The following MPP7 variants were observed in gnomAD, a reference collection of about 807,000 sequenced individuals.
The protein encoded by MPP7 is MAGUK p55 scaffold protein 7, also known as MAGUK p55 subfamily member 7.
In MPP7, 60 loss-of-function variants were observed where a neutral mutation model predicts 76.5. The observed-to-expected ratio is 0.78, with a 90% CI of 0.64 to 0.97. The LOEUF is 0.97. Ranked by LOEUF, MPP7 falls within the 50% of genes least tolerant of loss-of-function variation. The pLI is 0.00. For synonymous variants in MPP7, 237 were observed against 244.5 expected (o/e 0.97, Z 0.29); for missense variants, 641 against 694.0 (o/e 0.92, Z 0.86).
At chr10:28,290,966 C>G (rs1044511899) in intron 1 of MPP7, among the ~76,000 whole-genome samples, 5 of 152,254 alleles carry the variant, frequency 3.3e-5, no homozygotes, top group East Asian at 1.9e-4. Flanking sequence ...TTAACTTATT[C>G]TCTTGTTACA....
chr10:28,138,077 A>G (rs1835402761), intron 5 of MPP7, among the ~76,000 whole-genome samples: 1 of 152,210 alleles, frequency 6.6e-6, no homozygotes, highest in Non-Finnish European at 1.5e-5. Flanking sequence ...AATGTTTGGA[A>G]GCTAAAAATT....
At chr10:28,064,389 T>C (rs1851910321) in intron 13 of MPP7, among the ~76,000 whole-genome samples, 1 of 152,190 alleles carries the variant, frequency 6.6e-6, no homozygotes, top group South Asian at 2.1e-4. Context: ...TTAGATAACA[T>C]ACTAAATCAT....
At chr10:28,085,355 G>T (rs1852954828) in intron 12 of MPP7, among the ~76,000 whole-genome samples, 1 of 152,120 alleles carries the variant, frequency 6.6e-6, no homozygotes, top group African/African-American at 2.4e-5. Context: ...TACACTCATA[G>T]CTCTTAGTTA....
intron 11 of MPP7, among the ~76,000 whole-genome samples, chr10:28,098,147 T>C (rs1853655282): frequency 6.6e-6 from 1 of 152,088 alleles, no homozygotes; most frequent in Non-Finnish European, 1.5e-5. Flanking sequence ...TAATTTCAAA[T>C]GTTAGCAATA....
chr10:28,155,880 A>T (rs541016533), intron 3 of MPP7, among the ~76,000 whole-genome samples: 1 of 152,108 alleles, frequency 6.6e-6, no homozygotes, highest in African/African-American at 2.4e-5. Context: ...AAGCAGTTCC[A>T]TCTCCTCTCA....
intron 2 of MPP7, among the ~76,000 whole-genome samples, chr10:28,233,717 CA>C (rs752333257): frequency 0.016 from 1,188 of 73,370 alleles, 10 homozygotes; most frequent in African/African-American, 0.028. Context: ...GACTCCGTCT[CA>C]AAAAAAAAAA....
At chr10:28,149,866 A>G in intron 4 of MPP7, 116 bp downstream of exon 4, 1 of 599,500 alleles carries the variant, frequency 1.7e-6, no homozygotes, top group Non-Finnish European at 2.8e-6. Context: ...AAACATTTGT[A>G]ACCTCTTCTG....
intron 11 of MPP7, among the ~76,000 whole-genome samples, chr10:28,108,558 G>C (rs1834398488): frequency 1.3e-5 from 2 of 152,096 alleles, no homozygotes; most frequent in South Asian, 4.1e-4. Context: ...TTGCGAGGCT[G>C]AGGTGGGAGG....
At chr10:28,261,845 G>A (rs570216216) in intron 1 of MPP7, among the ~76,000 whole-genome samples, 2 of 151,712 alleles carry the variant, frequency 1.3e-5, no homozygotes, top group South Asian at 2.1e-4. Flanking sequence ...CCAGGAGCTC[G>A]AGACCAGCTT....
intron 1 of MPP7, among the ~76,000 whole-genome samples, chr10:28,281,129 G>C (rs1840659343): frequency 6.6e-6 from 1 of 151,708 alleles, no homozygotes; most frequent in South Asian, 2.1e-4. Flanking sequence ...ACCGGGGCTG[G>C]AATGCAGTGG....
chr10:28,311,948 TA>T (rs1031332351), intron 2 of MPP7, among the ~76,000 whole-genome samples: 4 of 152,194 alleles, frequency 2.6e-5, no homozygotes, highest in East Asian at 3.9e-4. Context: ...TTAGCTTTTT[TA>T]AAAAAAAGAT....
At chr10:28,095,519 G>T (rs553089434) in intron 11 of MPP7, among the ~76,000 whole-genome samples, 1 of 152,092 alleles carries the variant, frequency 6.6e-6, no homozygotes, top group Admixed American at 6.6e-5. Context: ...AATAATGAGC[G>T]ATGTGTCAGT....
chr10:28,322,654 C>G (rs1458882156), intron 2 of MPP7, among the ~76,000 whole-genome samples: 1 of 152,174 alleles, frequency 6.6e-6, no homozygotes, highest in Admixed American at 6.5e-5. Context: ...CACAGCCACA[C>G]TCTGTCACTT....
At chr10:28,273,914 G>A (rs1038821905) in intron 1 of MPP7, among the ~76,000 whole-genome samples, 67 of 152,122 alleles carry the variant, frequency 4.4e-4, no homozygotes, top group African/African-American at 1.5e-3. Context: ...AGGATTGCTT[G>A]AGCCCAGGAG....
intron 2 of MPP7, among the ~76,000 whole-genome samples, chr10:28,329,047 T>A (rs1834446865): frequency 6.6e-6 from 1 of 152,242 alleles, no homozygotes; most frequent in Admixed American, 6.5e-5. Flanking sequence ...CCCTGGCTAC[T>A]TCTTGAACCT....
At chr10:28,160,885 G>A (rs1836237193) in intron 3 of MPP7, among the ~76,000 whole-genome samples, 1 of 152,146 alleles carries the variant, frequency 6.6e-6, no homozygotes, top group Admixed American at 6.5e-5. Context: ...GAAAAAACTA[G>A]TATATTTTTA....
At chr10:28,291,009 A>G (rs1015261399) in intron 1 of MPP7, among the ~76,000 whole-genome samples, 4 of 152,216 alleles carry the variant, frequency 2.6e-5, no homozygotes, top group African/African-American at 9.6e-5. Flanking sequence ...ACGATTTTGT[A>G]AACTTTTGCC....
At chr10:28,280,942 G>T (rs527252383) in intron 1 of MPP7, among the ~76,000 whole-genome samples, 1 of 151,888 alleles carries the variant, frequency 6.6e-6, no homozygotes, top group South Asian at 2.1e-4. Flanking sequence ...TAGAGTGGAG[G>T]GTATGTAAAA....
intron 12 of MPP7, among the ~76,000 whole-genome samples, chr10:28,077,543 G>A (rs766054730): frequency 4.6e-5 from 7 of 152,008 alleles, no homozygotes; most frequent in South Asian, 2.1e-4. Context: ...ATCCTGTCCC[G>A]TATCCTCTTT....
Sources: allele counts gnomAD v4.1 joint callset (sites outside exome capture counted in the v4.1 genomes callset), GRCh38; gene constraint gnomAD v4.1.1; transcripts MANE v1.5; gene names NCBI Gene and HGNC (gene_info 2026-07-23, HGNC 2026-07-21).